Variants in KCNK12 observed in about 807,000 individuals in gnomAD.
KCNK12 encodes potassium two pore domain channel subfamily K member 12.
A neutral mutation model predicts 25.3 loss-of-function variants in KCNK12; 6 were observed. That is an observed-to-expected ratio of 0.24 (90% CI 0.13 to 0.47). The LOEUF is 0.47. Ranked by LOEUF, KCNK12 falls within the 20% of genes least tolerant of loss-of-function variation. KCNK12 has a pLI of 0.99. For missense variants in KCNK12, 444 were observed against 661.7 expected, an observed-to-expected ratio of 0.67 and a Z score of 3.61; for synonymous variants, 331 against 311.1, an observed-to-expected ratio of 1.06 and a Z score of -0.67.
chr2:47,534,579 G>A (rs1369778995), intron 1 of KCNK12, among the ~76,000 whole-genome samples: 2 of 140,890 alleles, frequency 1.4e-5, no homozygotes, highest in Admixed American at 7.7e-5. Flanking sequence ...AATTTTGGGA[G>A]AAGACTAAAT....
At chr2:47,535,880 TAGA>T (rs1208105255) in intron 1 of KCNK12, among the ~76,000 whole-genome samples, 1 of 151,990 alleles carries the variant, frequency 6.6e-6, no homozygotes, top group Non-Finnish European at 1.5e-5. Flanking sequence ...CCCTGTGCGA[TAGA>T]AGGAGATGGA....
rs910806034 is a variant in KCNK12, at chr2:47,569,528, G to A, written c.391+413C>T. ...AAGAAAGCGGGGGAGACTATGAAAA[G>A]AAATAAAAGCGCCGAGGGTGGAGGG... On this transcript the variant is annotated intron_variant, in intron 1 of 1. Transcript: ENST00000327876. The surrounding 1 kb of genome is among the most constrained non-coding windows in gnomAD (Gnocchi z 4.1). Among the ~76,000 whole-genome samples, 1 of 150,874 alleles carries A rather than the reference G, an allele frequency of 6.6e-6. No individual in the cohort carries two copies. Among genetic ancestry groups the A allele is most frequent in the Admixed American group, 6.6e-5 (1 of 15,134 alleles).
rs1433111781 is a variant in KCNK12 at position 47,513,460 on chromosome 2, T to A, written c.*7447A>T. On this transcript the variant is annotated 3_prime_UTR_variant, in exon 2 of 2. Coordinates refer to ENST00000327876, the MANE Select transcript of KCNK12 (RefSeq NM_022055.2). ...ACCCTCTTTCCTTAGTCTTTTTTCT[T>A]CTTCCTCCTGTCCCTTAAATGCTGG... Among the ~76,000 whole-genome samples, 3 of 152,216 alleles carry A rather than the reference T, an allele frequency of 2.0e-5. No homozygotes were observed. The highest frequency in any genetic ancestry group is 4.4e-5 in the Non-Finnish European group (3 of 68,046).
chr2:47,546,093 C>G (rs1046478807), intron 1 of KCNK12, among the ~76,000 whole-genome samples: 1 of 152,192 alleles, frequency 6.6e-6, no homozygotes, highest in Admixed American at 6.5e-5. Flanking sequence ...CACCCTCTCT[C>G]TTATTCAAAA....
At position 47,520,077 on chromosome 2, in the gene KCNK12, G is replaced by A. The variant is rs568770342; in HGVS notation, c.*830C>T. 6.6e-6 allele frequency: 1 copy of A among 152,248 alleles called. No individual in the cohort carries two copies. The highest frequency in any genetic ancestry group is 1.5e-5 in the Non-Finnish European group (1 of 68,048). The allele number at this position is 152,248 out of a possible 1,614,324, so 9.4% of individuals were successfully genotyped here. A position where few individuals can be genotyped will look rare whatever the true frequency, so the allele number is the denominator to read the frequency against. ...TATTGAAAAGCACTGCTGTGGATGA[G>A]CTTGTGAAAGAAAGGACGGTTGGGG... is the stretch of plus-strand genomic sequence containing the variant. On this transcript the variant is annotated 3_prime_UTR_variant, in exon 2 of 2. Transcript: ENST00000327876. The surrounding 1 kb of genome is among the most constrained non-coding windows in gnomAD (Gnocchi z 5.0).
At position 47,570,306 on chromosome 2, in the gene KCNK12, G is replaced by A. The variant is rs1475803855; in HGVS notation, c.26C>T (p.Pro9Leu). The change falls in exon 1 of 2, where the codon CCG (proline) becomes CTG (leucine). Residue 9 changes from proline (P) to leucine (L), a missense_variant. Physicochemically the swap from Pro to Leu is moderately conservative, Grantham distance 98. Coordinates refer to ENST00000327876, the MANE Select transcript of KCNK12 (RefSeq NM_022055.2). The stretch of plus-strand genomic sequence containing the variant: ...CAGGCGGCGGCGGCTACGGCGGGGC[G>A]GGGGCCGGGGGCTGCGGGAGGACAT... MSSRSPRP[P>L]PRRSRRRLPR... 3 of 1,341,416 alleles carry A rather than the reference G, an allele frequency of 2.2e-6. No individual in the cohort carries two copies. Among genetic ancestry groups the A allele is most frequent in the Non-Finnish European group, 2.9e-6 (3 of 1,049,238 alleles). The allele number at this position is 1,341,416 out of a possible 1,614,324, so 83.1% of individuals were successfully genotyped here.
In KCNK12 at chr2:47,570,327, G is replaced by T. The variant is rs1312366518; in HGVS notation, c.5C>A (p.Ser2Tyr). The change falls in exon 1 of 2, where the codon TCC becomes TAC. Residue 2 changes from serine to tyrosine, a missense_variant. This residue lies in a region of KCNK12 where 67 missense variants were observed against 59.2 expected (regional missense o/e 1.13). Transcript: ENST00000327876. The stretch of plus-strand genomic sequence containing the variant: ...GGGCGGGGGCCGGGGGCTGCGGGAG[G>T]ACATGGTCCGGAGCTCAGCCCCGGG... M[S>Y]SRSPRPPPRR... 7.6e-7 allele frequency: 1 copy of T among 1,320,552 alleles called. No homozygotes were observed. The highest frequency in any genetic ancestry group is 3.2e-5 in the East Asian group (1 of 30,818). 81.8% of individuals were successfully genotyped at this position (1,320,552 alleles called of 1,614,324 possible).
Position 47,569,997 on chromosome 2 carries a change from G to T in KCNK12, c.335C>A (p.Pro112Gln). Residue 112 changes from proline to glutamine, a missense_variant, in exon 1 of 2, where the codon CCG becomes CAG. By Grantham distance (76) the Pro-to-Gln change is moderately conservative. This residue lies in a region of KCNK12 where 106 missense variants were observed against 142.2 expected (regional missense o/e 0.75). Coordinates refer to ENST00000327876, the MANE Select transcript of KCNK12 (RefSeq NM_022055.2). The surrounding 1 kb of genome is among the most constrained non-coding windows in gnomAD (Gnocchi z 4.1). ...AAGVRADALR[P>Q]RWDFPGAFYF... ...GAAGGCGCCGGGGAAGTCCCAGCGC[G>T]GGCGCAGCGCGTCGGCGCGGACGCC... The T allele has an allele frequency of 7.0e-7, 1 of 1,435,370 alleles. No homozygotes were observed. Among genetic ancestry groups the T allele is most frequent in the Non-Finnish European group, 9.1e-7 (1 of 1,093,954 alleles). The allele number at this position is 1,435,370 out of a possible 1,614,324, so 88.9% of individuals were successfully genotyped here.
intron 1 of KCNK12, among the ~76,000 whole-genome samples, chr2:47,539,551 G>A (rs1204920710): frequency 2.0e-5 from 3 of 152,148 alleles, no homozygotes; most frequent in East Asian, 3.9e-4. Context: ...AGGAGAGGAT[G>A]AAGGTGCTGA....
Position 47,538,894 on chromosome 2 carries a change from A to G in KCNK12, c.392-17086T>C, listed in dbSNP as rs183149837. Reference sequence around the variant, plus strand: ...TTAATGTGAGGGAGAAACATAAACTAGTAGTTTTACAAAAAGAAAAAGAAA... The same window carrying G: ...TTAATGTGAGGGAGAAACATAAACTGGTAGTTTTACAAAAAGAAAAAGAAA... On this transcript the variant is annotated intron_variant, in intron 1 of 1. Transcript: ENST00000327876. This position sits in a 1 kb window ranked among gnomAD's most constrained non-coding sequence, Gnocchi z 4.5. 6.6e-6 allele frequency among the ~76,000 whole-genome samples: 1 copy of G among 152,372 alleles called. No homozygotes were observed. Among genetic ancestry groups the G allele is most frequent in the Admixed American group, 6.5e-5 (1 of 15,310 alleles).
At position 47,556,261 on chromosome 2, in the gene KCNK12, G is replaced by A. The variant is rs1669548639; in HGVS notation, c.391+13680C>T. Among the ~76,000 whole-genome samples, 1 of 152,230 alleles carries A rather than the reference G, an allele frequency of 6.6e-6. No homozygotes were observed. Among genetic ancestry groups the A allele is most frequent in the South Asian group, 2.1e-4 (1 of 4,832 alleles). ...TAAGCCCTGGAGGAAGTTAGAGGAAGTGAGACCCAGTGAAGCTGGCATTTG... is the reference window on the plus strand; with the variant it reads ...TAAGCCCTGGAGGAAGTTAGAGGAAATGAGACCCAGTGAAGCTGGCATTTG... On this transcript the variant is annotated intron_variant, in intron 1 of 1. Coordinates refer to ENST00000327876, the MANE Select transcript of KCNK12 (RefSeq NM_022055.2). This position sits in a 1 kb window ranked among gnomAD's most constrained non-coding sequence, Gnocchi z 4.8.
rs1203259418 is a variant in KCNK12, at chr2:47,519,865, C to T, written c.*1042G>A. ...TTCCTGGTGCTGCAGGCCCTGGTTC[C>T]CAAGGACGCAGCTGGCAGAGGTGCC... On this transcript the variant is annotated 3_prime_UTR_variant, in exon 2 of 2. Transcript: ENST00000327876. 1 of 152,226 alleles carries T rather than the reference C, an allele frequency of 6.6e-6. No individual in the cohort carries two copies. The highest frequency in any genetic ancestry group is 1.5e-5 in the Non-Finnish European group (1 of 68,062). 9.4% of individuals were successfully genotyped at this position (152,226 alleles called of 1,614,324 possible).
intron 1 of KCNK12, among the ~76,000 whole-genome samples, chr2:47,545,981 C>G (rs911508548): frequency 2.6e-5 from 4 of 151,596 alleles, no homozygotes; most frequent in Non-Finnish European, 4.4e-5. Context: ...CATGCTCTCT[C>G]CCTCAGGGAG....
Position 47,566,819 on chromosome 2 carries a change from T to G in KCNK12, c.391+3122A>C, listed in dbSNP as rs1669795675. 1 of 152,174 alleles carries G rather than the reference T, an allele frequency of 6.6e-6. No individual in the cohort carries two copies. Among genetic ancestry groups the G allele is most frequent in the Admixed American group, 6.5e-5 (1 of 15,280 alleles). The allele number at this position is 152,174 out of a possible 1,614,324, so 9.4% of individuals were successfully genotyped here. A position where few individuals can be genotyped will look rare whatever the true frequency, so the allele number is the denominator to read the frequency against. On this transcript the variant is annotated intron_variant, in intron 1 of 1. Coordinates refer to ENST00000327876, the MANE Select transcript of KCNK12 (RefSeq NM_022055.2). The surrounding 1 kb of genome is among the most constrained non-coding windows in gnomAD (Gnocchi z 4.1). ...AATTGGTGGATATTGCACAACTTGG[T>G]TTCTGGACCTAGCTGAACCCCTCAT...
chr2:47,517,522 G>T lies in KCNK12; in HGVS notation c.*3385C>A, dbSNP rs1401037664. The T allele has an allele frequency of 6.6e-6, 1 of 152,230 alleles. No homozygotes were observed. Among genetic ancestry groups the T allele is most frequent in the Non-Finnish European group, 1.5e-5 (1 of 68,082 alleles). 9.4% of individuals were successfully genotyped at this position (152,230 alleles called of 1,614,324 possible). On this transcript the variant is annotated 3_prime_UTR_variant, in exon 2 of 2. Coordinates refer to ENST00000327876, the MANE Select transcript of KCNK12 (RefSeq NM_022055.2). This position sits in a 1 kb window ranked among gnomAD's most constrained non-coding sequence, Gnocchi z 4.1. ...AAATCTTTCTTCTTAAAGTGGCCCA[G>T]ACTGAGACTTTTCCTTGGGGAAAAG...
At position 47,511,737 on chromosome 2, in the gene KCNK12, C is replaced by T. The variant is rs1341340202; in HGVS notation, c.*9170G>A. On this transcript the variant is annotated 3_prime_UTR_variant, in exon 2 of 2. Coordinates refer to ENST00000327876, the MANE Select transcript of KCNK12 (RefSeq NM_022055.2). This position sits in a 1 kb window ranked among gnomAD's most constrained non-coding sequence, Gnocchi z 4.3. The stretch of plus-strand genomic sequence containing the variant: ...CTTTTACTTCTGCCCCTTAAGGATG[C>T]CCTGGAATTCAGGCTTTCGGATCCC... 6.6e-6 allele frequency among the ~76,000 whole-genome samples: 1 copy of T among 152,172 alleles called. No homozygotes were observed. The highest frequency in any genetic ancestry group is 1.5e-5 in the Non-Finnish European group (1 of 68,034).
chr2:47,534,109 C>T (rs1332930065), intron 1 of KCNK12, among the ~76,000 whole-genome samples: 3 of 152,036 alleles, frequency 2.0e-5, no homozygotes, highest in Non-Finnish European at 4.4e-5. Context: ...CCCACAGGCT[C>T]AGGCCAGTGA....
At chr2:47,534,733 T>TG (rs1187848387) in intron 1 of KCNK12, 1 of 175,548 alleles carries the variant, frequency 5.7e-6, no homozygotes, top group Non-Finnish European at 1.2e-5. Context: ...GGGGCTTGTG[T>TG]GGGGAACAGC....
At position 47,548,456 on chromosome 2, in the gene KCNK12, T is replaced by C. The variant is rs1015275936; in HGVS notation, c.391+21485A>G. On this transcript the variant is annotated intron_variant, in intron 1 of 1. Coordinates refer to ENST00000327876, the MANE Select transcript of KCNK12 (RefSeq NM_022055.2). The surrounding 1 kb of genome is among the most constrained non-coding windows in gnomAD (Gnocchi z 4.4). The stretch of plus-strand genomic sequence containing the variant: ...CTTGATTCCACTTCAGCCTTCCCTA[T>C]CTCAGTAAATGGCAAATCCATCCTT... 1.3e-5 allele frequency among the ~76,000 whole-genome samples: 2 copies of C among 152,184 alleles called. No individual in the cohort carries two copies. The highest frequency in any genetic ancestry group is 4.8e-5 in the African/African-American group (2 of 41,448).
Sources: allele counts gnomAD v4.1 joint callset (sites outside exome capture counted in the v4.1 genomes callset), GRCh38; gene constraint gnomAD v4.1.1; regional missense constraint gnomAD v4.1.1; non-coding constraint Gnocchi (gnomAD v3.1); transcripts MANE v1.5; gene names NCBI Gene and HGNC (gene_info 2026-07-23, HGNC 2026-07-21).